The following SRR variants were observed in gnomAD, a reference collection of about 807,000 sequenced individuals.
SRR encodes the protein serine racemase, also known as D-serine ammonia-lyase.
In SRR, 19 loss-of-function variants were observed where a neutral mutation model predicts 32.7. The observed-to-expected ratio is 0.58, with a 90% CI of 0.40 to 0.85. SRR has a LOEUF of 0.85. SRR is among the 40% of genes least tolerant of loss of function. The pLI is 0.00. For missense variants in SRR, 373 were observed against 404.7 expected (o/e 0.92, Z 0.67); for synonymous variants, 142 against 140.9 (o/e 1.01, Z -0.06).
At chr17:2,316,800 C>T (rs1163497897) in intron 2 of SRR, among the ~76,000 whole-genome samples, 1 of 152,080 alleles carries the variant, frequency 6.6e-6, no homozygotes, top group Non-Finnish European at 1.5e-5. Flanking sequence ...GTAAGCTCCA[C>T]CTCCCAGGTT....
In SRR at chr17:2,324,358, C is replaced by G. The variant is rs1567781254; in HGVS notation, c.*485C>G. 3 of 1,564,976 alleles carry G rather than the reference C, an allele frequency of 1.9e-6. No individual in the cohort carries two copies. Among genetic ancestry groups the G allele is most frequent in the Non-Finnish European group, 2.6e-6 (3 of 1,159,096 alleles). On this transcript the variant is annotated 3_prime_UTR_variant, in exon 8 of 8. Transcript: ENST00000344595. ...TTAGCTTCCCATCAAAGCTGCATTT[C>G]ATGTGGCCATGGGTACCTAGAAAGA...
At chr17:2,322,887 C>A (rs2075544706) in intron 6 of SRR, 2 of 444,870 alleles carry the variant, frequency 4.5e-6, no homozygotes, top group Admixed American at 7.0e-5. Context: ...ACCTCAGCCT[C>A]TTGAGTAGCT....
chr17:2,317,492 A>G (rs544875577), intron 2 of SRR, among the ~76,000 whole-genome samples: 3 of 150,720 alleles, frequency 2.0e-5, no homozygotes, highest in Admixed American at 6.6e-5. Context: ...AGCCCGGGCT[A>G]CAACAGAGCG....
intron 1 of SRR, among the ~76,000 whole-genome samples, chr17:2,313,302 C>T (rs972904896): frequency 3.3e-5 from 5 of 151,644 alleles, no homozygotes; most frequent in African/African-American, 9.7e-5. Context: ...TGGTGGCAGG[C>T]GCCTGTAATC....
intron 1 of SRR, among the ~76,000 whole-genome samples, chr17:2,311,627 G>A (rs2075434690): frequency 1.3e-5 from 2 of 152,018 alleles, no homozygotes; most frequent in African/African-American, 4.8e-5. Flanking sequence ...GACGACAAGA[G>A]ACCCCGTCTC....
chr17:2,320,884 C>A (rs1451340327), intron 4 of SRR, among the ~76,000 whole-genome samples: 2 of 152,190 alleles, frequency 1.3e-5, no homozygotes, highest in East Asian at 1.9e-4. Context: ...TCTATTATTT[C>A]TCTTGCCCAC....
In SRR at chr17:2,324,363, G is replaced by T; in HGVS notation, c.*490G>T. Reference sequence around the variant, plus strand: ...TTCCCATCAAAGCTGCATTTCATGTGGCCATGGGTACCTAGAAAGACATCA... The same window carrying T: ...TTCCCATCAAAGCTGCATTTCATGTTGCCATGGGTACCTAGAAAGACATCA... On this transcript the variant is annotated 3_prime_UTR_variant, in exon 8 of 8. Transcript: ENST00000344595. 1 of 1,569,418 alleles carries T rather than the reference G, an allele frequency of 6.4e-7. No individual in the cohort carries two copies. Among genetic ancestry groups the T allele is most frequent in the South Asian group, 1.2e-5 (1 of 82,290 alleles).
intron 1 of SRR, among the ~76,000 whole-genome samples, chr17:2,313,864 C>T (rs973183222): frequency 3.3e-5 from 5 of 152,118 alleles, no homozygotes; most frequent in Non-Finnish European, 7.4e-5. Flanking sequence ...TGTAGTTGGG[C>T]CTGGAAAGGT....
chr17:2,318,464 C>CTTT (rs1170914950), intron 3 of SRR, among the ~76,000 whole-genome samples: 4 of 126,578 alleles, frequency 3.2e-5, no homozygotes, highest in Admixed American at 8.1e-5. Context: ...ATGTTTCTTT[C>CTTT]TTTTTTTTTT....
chr17:2,305,254 A>T (rs1308433412), intron 1 of SRR, among the ~76,000 whole-genome samples: 1 of 152,258 alleles, frequency 6.6e-6, no homozygotes, highest in Non-Finnish European at 1.5e-5. Context: ...TCTGTTTCAT[A>T]TTGAAATTTG....
chr17:2,305,700 TG>T (rs146285368), intron 1 of SRR, among the ~76,000 whole-genome samples: 3,303 of 152,268 alleles, frequency 0.022, 49 homozygotes, highest in East Asian at 0.088. Flanking sequence ...TGAGATTTTT[TG>T]TTTTTCGTTT....
intron 1 of SRR, among the ~76,000 whole-genome samples, chr17:2,313,058 C>A (rs1317298835): frequency 2.6e-5 from 4 of 152,190 alleles, no homozygotes; most frequent in African/African-American, 9.7e-5. Flanking sequence ...TCCCAAGTAG[C>A]CGGGACTACC....
intron 2 of SRR, among the ~76,000 whole-genome samples, chr17:2,317,277 T>A (rs1321710487): frequency 6.8e-6 from 1 of 147,114 alleles, no homozygotes; most frequent in African/African-American, 2.5e-5. Context: ...TTTGGGAGGC[T>A]GAGGCAGGCG....
intron 1 of SRR, among the ~76,000 whole-genome samples, chr17:2,304,470 T>G (rs1289869208): frequency 6.6e-6 from 1 of 150,438 alleles, no homozygotes; most frequent in Non-Finnish European, 1.5e-5. Context: ...CTCGAACTCC[T>G]GACCTCAGGT....
intron 6 of SRR, among the ~76,000 whole-genome samples, chr17:2,322,025 C>T (rs551837811): frequency 2.0e-5 from 3 of 152,368 alleles, no homozygotes; most frequent in African/African-American, 7.2e-5. Flanking sequence ...TTGCGATCCA[C>T]CCGCCTTGGC....
rs1179790518 is a variant in SRR, at chr17:2,315,438, A to C, written c.-4-119A>C. 3.1e-6 allele frequency: 3 copies of C among 978,112 alleles called. No individual in the cohort carries two copies. The East Asian group carries it at 8.1e-5, about 26-fold the overall frequency. The allele number at this position is 978,112 out of a possible 1,614,324, so 60.6% of individuals were successfully genotyped here. A position where few individuals can be genotyped will look rare whatever the true frequency, so the allele number is the denominator to read the frequency against. On this transcript the variant is annotated intron_variant, in intron 1 of 7. Transcript: ENST00000344595. Reference sequence around the variant, plus strand: ...GGAAATTCTGACACTCCAATAATGGAGAATTTCCACATGACACCACAGGCC... The same window carrying C: ...GGAAATTCTGACACTCCAATAATGGCGAATTTCCACATGACACCACAGGCC...
In SRR at chr17:2,324,236, C is replaced by T; in HGVS notation, c.*363C>T. On this transcript the variant is annotated 3_prime_UTR_variant, in exon 8 of 8. Coordinates refer to ENST00000344595, the MANE Select transcript of SRR (RefSeq NM_021947.3). ...TTGAGGCACTGTTGAAGAAATCTCA[C>T]TTTTCAGCCAGGGTACTGGTTCTGG... 6.5e-7 allele frequency: 1 copy of T among 1,529,698 alleles called. No individual in the cohort carries two copies. The highest frequency in any genetic ancestry group is 2.3e-5 in the East Asian group (1 of 44,358). The allele number at this position is 1,529,698 out of a possible 1,614,324, so 94.8% of individuals were successfully genotyped here.
In SRR at chr17:2,323,757, C is replaced by T. The variant is rs1369749614; in HGVS notation, c.907C>T (p.Pro303Ser). The T allele has an allele frequency of 1.9e-6, 3 of 1,614,128 alleles. No homozygotes were observed. Among genetic ancestry groups the T allele is most frequent in the African/African-American group, 2.7e-5 (2 of 75,030 alleles). Residue 303 changes from proline to serine, a missense_variant, in exon 8 of 8, where the codon CCA (proline) becomes TCA (serine). Coordinates refer to ENST00000344595, the MANE Select transcript of SRR (RefSeq NM_021947.3). ...GTCTCAACATTTTCAAACTGTTTCCCCAGAAGTAAAGAACATTTGTATTGT... is the reference window on the plus strand; with the variant it reads ...GTCTCAACATTTTCAAACTGTTTCCTCAGAAGTAAAGAACATTTGTATTGT... ...VLSQHFQTVS[P>S]EVKNICIVLS... is the part of the protein sequence containing the mutation.
At chr17:2,310,513 G>A (rs2151430026) in intron 1 of SRR, among the ~76,000 whole-genome samples, 1 of 151,962 alleles carries the variant, frequency 6.6e-6, no homozygotes, top group Non-Finnish European at 1.5e-5. Context: ...TGCCAAGGGG[G>A]CATAATTGAC....
Sources: gnomAD v4.1 joint callset for allele counts (sites outside exome capture counted in the v4.1 genomes callset) on GRCh38, gnomAD v4.1.1 for gene constraint, MANE v1.5 for transcripts, NCBI Gene and HGNC (gene_info 2026-07-23, HGNC 2026-07-21) for gene names.